The following CDKAL1 variants were observed in gnomAD, a reference collection of about 807,000 sequenced individuals.
CDKAL1 encodes the protein CDKAL1 threonylcarbamoyladenosine tRNA methylthiotransferase.
A neutral mutation model predicts 68.2 loss-of-function variants in CDKAL1; 32 were observed. The observed-to-expected ratio is 0.47, with a 90% CI of 0.35 to 0.63. The LOEUF is 0.63. Among genes scored for constraint, CDKAL1 ranks in the 30% least tolerant of loss-of-function variants. The pLI is 0.00. For missense variants in CDKAL1, 606 were observed against 696.7 expected, an observed-to-expected ratio of 0.87 and a Z score of 1.47; for synonymous variants, 234 against 244.3, an observed-to-expected ratio of 0.96 and a Z score of 0.39.
intron 11 of CDKAL1, among the ~76,000 whole-genome samples, chr6:21,004,393 C>T (rs1582008615): frequency 1.3e-5 from 2 of 152,264 alleles, no homozygotes; most frequent in East Asian, 3.9e-4. Context: ...AGTGTTGGCA[C>T]ATGTTGAGGC....
At chr6:21,037,795 G>C (rs2150889378) in intron 11 of CDKAL1, among the ~76,000 whole-genome samples, 1 of 150,346 alleles carries the variant, frequency 6.7e-6, no homozygotes, top group East Asian at 1.9e-4. Flanking sequence ...TGCCACTAAA[G>C]ATTATGCGAT....
intron 10 of CDKAL1, among the ~76,000 whole-genome samples, chr6:20,960,636 T>C (rs1006223168): frequency 1.3e-5 from 2 of 152,248 alleles, no homozygotes; most frequent in Non-Finnish European, 2.9e-5. Context: ...AATAAATGTT[T>C]ACTGAATGAT....
At chr6:20,556,337 C>G (rs1293015005) in intron 4 of CDKAL1, among the ~76,000 whole-genome samples, 1 of 151,916 alleles carries the variant, frequency 6.6e-6, no homozygotes, top group African/African-American at 2.4e-5. Flanking sequence ...TGCACTCCAG[C>G]TTGGGTAACA....
chr6:20,692,635 A>G (rs1770919673), intron 5 of CDKAL1, among the ~76,000 whole-genome samples: 1 of 152,196 alleles, frequency 6.6e-6, no homozygotes, highest in African/African-American at 2.4e-5. Flanking sequence ...GGGGAATATC[A>G]GCTATGGAAA....
intron 2 of CDKAL1, among the ~76,000 whole-genome samples, chr6:20,544,508 A>G (rs1763513487): frequency 6.8e-6 from 1 of 147,772 alleles, no homozygotes; most frequent in African/African-American, 2.5e-5. Context: ...AGGCAGGAGA[A>G]TGGCGTGAAC....
rs185832483 is a variant in CDKAL1 at position 21,047,115 on chromosome 6, G to T, written c.1056-17933G>T. Among the ~76,000 whole-genome samples, 173 of 151,696 alleles carry T rather than the reference G, an allele frequency of 1.1e-3. No individual in the cohort carries two copies. The Middle Eastern group carries it at 0.014, about 12-fold the overall frequency. ...TTGTGTTTTTTTTTTTTAAGAGATG[G>T]AGTCTCACCATGTTGCCCAGGTTGG... is the stretch of plus-strand genomic sequence containing the variant. On this transcript the variant is annotated intron_variant, in intron 11 of 15. Coordinates refer to ENST00000274695, the MANE Select transcript of CDKAL1 (RefSeq NM_017774.3).
intron 4 of CDKAL1, among the ~76,000 whole-genome samples, chr6:20,565,219 A>T (rs564859217): frequency 2.0e-4 from 31 of 152,250 alleles, no homozygotes; most frequent in Non-Finnish European, 3.4e-4. Flanking sequence ...CAGTTCCATT[A>T]CTATTATAAA....
At chr6:20,589,332 T>C (rs1219870555) in intron 4 of CDKAL1, among the ~76,000 whole-genome samples, 1 of 152,208 alleles carries the variant, frequency 6.6e-6, no homozygotes, top group East Asian at 1.9e-4. Flanking sequence ...AGTTACTTCC[T>C]TTTTATTTTG....
chr6:20,936,439 A>G (rs2150686138), intron 9 of CDKAL1, among the ~76,000 whole-genome samples: 1 of 149,704 alleles, frequency 6.7e-6, no homozygotes, highest in East Asian at 2.0e-4. Flanking sequence ...TTTAGTAGAG[A>G]CGGGGTTTCA....
At chr6:20,634,977 C>CA (rs142659533) in intron 4 of CDKAL1, among the ~76,000 whole-genome samples, 1,407 of 99,702 alleles carry the variant, frequency 0.014, 23 homozygotes, top group African/African-American at 0.036. Flanking sequence ...AACCCCGTCT[C>CA]AAAAAAAAAA....
intron 8 of CDKAL1, among the ~76,000 whole-genome samples, chr6:20,818,311 T>G (rs919110123): frequency 2.0e-5 from 3 of 152,180 alleles, no homozygotes; most frequent in African/African-American, 7.2e-5. Context: ...CTCACATTTT[T>G]GCTTTTGTTA....
intron 13 of CDKAL1, among the ~76,000 whole-genome samples, chr6:21,116,381 C>T (rs900688991): frequency 6.6e-6 from 1 of 152,124 alleles, no homozygotes; most frequent in Non-Finnish European, 1.5e-5. Flanking sequence ...AATAAAGCAA[C>T]CATTTAAAGC....
At chr6:20,953,673 A>G (rs1490935675) in intron 9 of CDKAL1, among the ~76,000 whole-genome samples, 3 of 152,206 alleles carry the variant, frequency 2.0e-5, no homozygotes, top group Non-Finnish European at 1.5e-5. Context: ...TTTTAAATAG[A>G]AAAAGATTTA....
intron 6 of CDKAL1, among the ~76,000 whole-genome samples, chr6:20,743,730 A>G (rs527919728): frequency 6.6e-6 from 1 of 152,292 alleles, no homozygotes; most frequent in African/African-American, 2.4e-5. Context: ...TTGAAACCAG[A>G]AATAAAGCCT....
At chr6:21,132,825 A>G (rs1775394702) in intron 13 of CDKAL1, among the ~76,000 whole-genome samples, 1 of 152,120 alleles carries the variant, frequency 6.6e-6, no homozygotes, top group Non-Finnish European at 1.5e-5. Flanking sequence ...TAGAATTCTG[A>G]GACGGTATTT....
chr6:20,624,835 T>G (rs1050087920), intron 4 of CDKAL1, among the ~76,000 whole-genome samples: 1 of 152,124 alleles, frequency 6.6e-6, no homozygotes, highest in African/African-American at 2.4e-5. Context: ...TTGAGTTTAC[T>G]ATATTCACAT....
intron 5 of CDKAL1, among the ~76,000 whole-genome samples, chr6:20,686,806 T>G (rs1770649852): frequency 6.6e-6 from 1 of 152,200 alleles, no homozygotes; most frequent in African/African-American, 2.4e-5. Context: ...CACCGTTAAG[T>G]ATGATGTTAG....
At chr6:20,763,333 G>A (rs1296154192) in intron 7 of CDKAL1, among the ~76,000 whole-genome samples, 1 of 152,080 alleles carries the variant, frequency 6.6e-6, no homozygotes, top group Non-Finnish European at 1.5e-5. Context: ...CTTGCCTCTG[G>A]GATGGAAACA....
intron 5 of CDKAL1, chr6:20,722,678 A>G (rs1270279271): frequency 6.0e-6 from 1 of 167,268 alleles, no homozygotes; most frequent in Non-Finnish European, 1.3e-5. Context: ...CCGCAGCCCA[A>G]AGTGAGAACT....
Sources: allele counts gnomAD v4.1 joint callset (sites outside exome capture counted in the v4.1 genomes callset), GRCh38; gene constraint gnomAD v4.1.1; transcripts MANE v1.5; gene names NCBI Gene and HGNC (gene_info 2026-07-23, HGNC 2026-07-21).